Variants in FNIP1 observed in about 807,000 individuals in gnomAD.
FNIP1 encodes folliculin-interacting protein 1.
In FNIP1, 40 loss-of-function variants were observed where a neutral mutation model predicts 124.5. The observed-to-expected ratio is 0.32, with a 90% confidence interval of 0.25 to 0.42. The LOEUF is 0.42. FNIP1 is among the 10% of genes least tolerant of loss of function. The pLI is 1.00. For synonymous variants in FNIP1, 472 were observed against 470.6 expected, an observed-to-expected ratio of 1.00 and a Z score of -0.04; for missense variants, 1,176 against 1,403.7, an observed-to-expected ratio of 0.84 and a Z score of 2.59.
intron 2 of FNIP1, among the ~76,000 whole-genome samples, chr5:131,743,166 C>T (rs1770565752): frequency 6.6e-6 from 1 of 151,770 alleles, no homozygotes. Flanking sequence ...GTGATAAACT[C>T]TGAAGGAGGA....
At chr5:131,767,427 CAAAAAAAAAAA>C (rs139550903) in intron 1 of FNIP1, among the ~76,000 whole-genome samples, 693 of 64,044 alleles carry the variant, frequency 0.011, 7 homozygotes, top group African/African-American at 0.031. Flanking sequence ...GATTCTGTCT[CAAAAAAAAAAA>C]AAAAAAAAAA....
intron 2 of FNIP1, among the ~76,000 whole-genome samples, chr5:131,737,006 A>T: frequency 6.6e-6 from 1 of 152,360 alleles, no homozygotes; most frequent in Admixed American, 6.5e-5. Context: ...CTAGTTATAG[A>T]AAGCCAGTTG....
At chr5:131,736,012 C>T (rs1770290683) in intron 2 of FNIP1, among the ~76,000 whole-genome samples, 1 of 152,082 alleles carries the variant, frequency 6.6e-6, no homozygotes, top group African/African-American at 2.4e-5. Context: ...AGTAATCCTC[C>T]CACCTTGGCC....
intron 14 of FNIP1, 55 bp downstream of exon 14, chr5:131,671,450 A>G: frequency 7.4e-7 from 1 of 1,355,890 alleles, no homozygotes; most frequent in South Asian, 1.4e-5. Context: ...CAGCTAAAAA[A>G]GAGAATGGTA....
intron 11 of FNIP1, among the ~76,000 whole-genome samples, 160 bp from the exon 12 acceptor site, chr5:131,679,335 C>T (rs572285330): frequency 2.6e-4 from 40 of 152,280 alleles, no homozygotes; most frequent in African/African-American, 7.9e-4. Context: ...GTCAACAACA[C>T]AGTACCATGG....
intron 2 of FNIP1, among the ~76,000 whole-genome samples, chr5:131,742,283 G>A (rs983453293): frequency 6.6e-6 from 1 of 152,150 alleles, no homozygotes; most frequent in African/African-American, 2.4e-5. Context: ...GGCCAACAAG[G>A]CGAAACCCCA....
chr5:131,703,247 A>G (rs32106), intron 10 of FNIP1, among the ~76,000 whole-genome samples: 98,106 of 151,986 alleles, frequency 0.65, 33,378 homozygotes, highest in Non-Finnish European at 0.77. Context: ...TACCAATTCA[A>G]TCACTAAAGT....
chr5:131,724,052 T>G (rs995742675), intron 3 of FNIP1, among the ~76,000 whole-genome samples: 1 of 152,252 alleles, frequency 6.6e-6, no homozygotes, highest in Admixed American at 6.5e-5. Flanking sequence ...TCCTTTTTTA[T>G]GGCTGCACAG....
At chr5:131,786,269 C>T (rs541368103) in intron 1 of FNIP1, among the ~76,000 whole-genome samples, 1 of 152,148 alleles carries the variant, frequency 6.6e-6, no homozygotes, top group Non-Finnish European at 1.5e-5. Context: ...ACCAGAAGTA[C>T]AGCACTAAGT....
intron 1 of FNIP1, among the ~76,000 whole-genome samples, chr5:131,754,136 C>A (rs1467067265): frequency 6.6e-6 from 1 of 150,986 alleles, no homozygotes; most frequent in East Asian, 1.9e-4. Flanking sequence ...TAAACATTTA[C>A]CACACTCACA....
intron 2 of FNIP1, among the ~76,000 whole-genome samples, chr5:131,738,625 T>C (rs1323287916): frequency 6.6e-6 from 1 of 152,038 alleles, no homozygotes; most frequent in East Asian, 1.9e-4. Context: ...TCAGCCTCCC[T>C]AGTAGATGAA....
rs751702693 is a variant in FNIP1, at chr5:131,723,542, T to C, written c.355-4125A>G. Among the ~76,000 whole-genome samples, 8 of 152,190 alleles carry C rather than the reference T, an allele frequency of 5.3e-5. No homozygotes were observed. In the South Asian group the frequency reaches 8.3e-4, roughly 16 times the overall value. ...AGGTATGTATTTTAATGTGACATAA[T>C]CTACAATGAAGCTTATAATTAAAAG... On this transcript the variant is annotated intron_variant, in intron 3 of 17. Coordinates refer to ENST00000510461, the MANE Select transcript of FNIP1 (RefSeq NM_133372.3).
chr5:131,646,695 G>T (rs1360026704), intron 17 of FNIP1, among the ~76,000 whole-genome samples: 1 of 152,160 alleles, frequency 6.6e-6, no homozygotes, highest in Non-Finnish European at 1.5e-5. Flanking sequence ...TAATGGGGGG[G>T]AAGGAGTAAT....
chr5:131,796,486 C>T (rs906417627), intron 1 of FNIP1: 48 of 305,976 alleles, frequency 1.6e-4, no homozygotes, highest in Non-Finnish European at 2.7e-4. Context: ...ATCCAGCCCG[C>T]GCCCAACTCT....
At chr5:131,659,737 GA>G (rs1767357925) in intron 15 of FNIP1, among the ~76,000 whole-genome samples, 1 of 152,202 alleles carries the variant, frequency 6.6e-6, no homozygotes, top group Admixed American at 6.5e-5. Context: ...CTGGGGTGTT[GA>G]AGGTCTCAAA....
intron 2 of FNIP1, among the ~76,000 whole-genome samples, chr5:131,740,999 T>C (rs1770494808): frequency 6.6e-6 from 1 of 152,176 alleles, no homozygotes; most frequent in Non-Finnish European, 1.5e-5. Context: ...ATGGGAGGCA[T>C]GAATAATCCA....
At chr5:131,753,574 G>C (rs4492104) in intron 1 of FNIP1, among the ~76,000 whole-genome samples, 19,545 of 152,178 alleles carry the variant, frequency 0.13, 1,542 homozygotes, top group Middle Eastern at 0.21. Flanking sequence ...TCAAAGCAGT[G>C]ATCAGGGATA....
chr5:131,778,888 T>C (rs1247683242), intron 1 of FNIP1, among the ~76,000 whole-genome samples: 3 of 127,380 alleles, frequency 2.4e-5, no homozygotes, highest in Non-Finnish European at 3.3e-5. Flanking sequence ...CAGTAAACTA[T>C]CGCAAGAACA....
At chr5:131,651,696 G>T (rs1001119848) in intron 16 of FNIP1, 106 bp downstream of exon 16, 1 of 1,025,142 alleles carries the variant, frequency 9.8e-7, no homozygotes, top group South Asian at 1.6e-5. Context: ...ATGAGTTCGG[G>T]TAATGACACA....
Sources: allele counts gnomAD v4.1 joint callset (sites outside exome capture counted in the v4.1 genomes callset), GRCh38; gene constraint gnomAD v4.1.1; transcripts MANE v1.5; gene names NCBI Gene and HGNC (gene_info 2026-07-23, HGNC 2026-07-21).